The following SLC26A7 variants were observed in gnomAD, a reference collection of about 807,000 sequenced individuals.
SLC26A7 encodes anion exchange transporter.
Under a neutral mutation model 82.5 loss-of-function variants are expected in SLC26A7, and 59 were observed. The observed-to-expected ratio is 0.72, with a 90% CI of 0.58 to 0.89. SLC26A7 has a LOEUF of 0.89. Among genes scored for constraint, SLC26A7 ranks in the 40% least tolerant of loss-of-function variants. The pLI is 0.00. For missense variants in SLC26A7, 820 were observed against 793.0 expected (o/e 1.03, Z -0.41); for synonymous variants, 271 against 274.3 (o/e 0.99, Z 0.12).
intron 2 of SLC26A7, among the ~76,000 whole-genome samples, chr8:91,280,142 T>C (rs983041502): frequency 3.3e-5 from 5 of 152,224 alleles, no homozygotes; most frequent in African/African-American, 7.2e-5. Flanking sequence ...TTGTTGCCTA[T>C]GTTTTTTGGC....
At chr8:91,387,206 TAATA>T in intron 15 of SLC26A7, among the ~76,000 whole-genome samples, 1 of 152,322 alleles carries the variant, frequency 6.6e-6, no homozygotes, top group African/African-American at 2.4e-5. Flanking sequence ...CCTGCAATCT[TAATA>T]CTTTCCTATC....
chr8:91,286,553 G>A (rs1296151642), intron 2 of SLC26A7, among the ~76,000 whole-genome samples: 2 of 152,094 alleles, frequency 1.3e-5, no homozygotes, highest in African/African-American at 4.8e-5. Context: ...TTTTGTTGTT[G>A]TTGCTTTTGC....
intron 4 of SLC26A7, among the ~76,000 whole-genome samples, chr8:91,313,431 C>T (rs537291616): frequency 6.6e-6 from 1 of 152,134 alleles, no homozygotes; most frequent in Admixed American, 6.6e-5. Context: ...CAGCTTTGTT[C>T]TTCTCAAGAC....
intron 4 of SLC26A7, among the ~76,000 whole-genome samples, chr8:91,307,816 T>TAA (rs71273693): frequency 6.6e-5 from 10 of 150,784 alleles, no homozygotes; most frequent in South Asian, 4.2e-4. Context: ...AATAAATAAA[T>TAA]AAAAAAAATA....
At chr8:91,313,687 CT>C (rs1418657382) in intron 4 of SLC26A7, among the ~76,000 whole-genome samples, 1 of 152,164 alleles carries the variant, frequency 6.6e-6, no homozygotes, top group East Asian at 1.9e-4. Context: ...CATTTCACAT[CT>C]CTTTACACGA....
intron 4 of SLC26A7, among the ~76,000 whole-genome samples, chr8:91,312,829 G>A (rs550326908): frequency 5.3e-5 from 8 of 152,124 alleles, no homozygotes; most frequent in East Asian, 1.9e-4. Context: ...TCCTTTGCCC[G>A]TTTTTGAATC....
rs896013172 is a variant in SLC26A7, at chr8:91,395,436, A to G, written c.*339A>G. ...GTAAGTTGATGTTTAAAATTGAGAA[A>G]TACTTTTGTCATAGGTAATTTGGAA... is the stretch of plus-strand genomic sequence containing the variant. On this transcript the variant is annotated 3_prime_UTR_variant, in exon 19 of 19. Coordinates refer to ENST00000276609, the MANE Select transcript of SLC26A7 (RefSeq NM_052832.4). The G allele has an allele frequency of 3.8e-6, 1 of 265,448 alleles. No homozygotes were observed. The highest frequency in any genetic ancestry group is 2.3e-5 in the African/African-American group (1 of 44,184). The allele number at this position is 265,448 out of a possible 1,614,324, so 16.4% of individuals were successfully genotyped here.
rs1332463733 is a variant in SLC26A7 at position 91,332,518 on chromosome 8, ACACACACAC to A, written c.643-1776_643-1768del. On this transcript the variant is annotated intron_variant, in intron 5 of 18. Coordinates refer to ENST00000276609, the MANE Select transcript of SLC26A7 (RefSeq NM_052832.4). ...CACACACACACACACACACACACAC[ACACACACAC>A]ACACACATATTTAAGCTAGAGACAG... Among the ~76,000 whole-genome samples the A allele has an allele frequency of 1.3e-3, 193 of 147,678 alleles. 3 individuals carry two copies. Among genetic ancestry groups the A allele is most frequent in the African/African-American group, 4.7e-3 (190 of 40,162 alleles).
intron 13 of SLC26A7, among the ~76,000 whole-genome samples, chr8:91,365,794 C>A (rs762799750): frequency 4.6e-5 from 7 of 152,126 alleles, no homozygotes; most frequent in Non-Finnish European, 8.8e-5. Flanking sequence ...TTCTTTGCAT[C>A]TCCTCTTCTA....
At chr8:91,264,756 T>G (rs1811064331) in intron 2 of SLC26A7, among the ~76,000 whole-genome samples, 1 of 152,202 alleles carries the variant, frequency 6.6e-6, no homozygotes, top group East Asian at 1.9e-4. Context: ...AAATTTTTTT[T>G]TGTTTATAAT....
chr8:91,295,428 ATC>A (rs1811989076), intron 3 of SLC26A7, 101 bp from the exon 4 acceptor site: 1 of 1,299,316 alleles, frequency 7.7e-7, no homozygotes, highest in East Asian at 2.3e-5. Flanking sequence ...TTTCTAATAG[ATC>A]TGTTTGGTTT....
At chr8:91,327,049 A>G (rs900793864) in intron 5 of SLC26A7, among the ~76,000 whole-genome samples, 1 of 152,164 alleles carries the variant, frequency 6.6e-6, no homozygotes, top group African/African-American at 2.4e-5. Flanking sequence ...TTACATCTGC[A>G]AAGACCTTAT....
At chr8:91,234,819 ACCTACCTACTTCCTTC>A (rs1399444851) in intron 2 of SLC26A7, among the ~76,000 whole-genome samples, 49 of 104,454 alleles carry the variant, frequency 4.7e-4, no homozygotes, top group Non-Finnish European at 7.4e-4. Context: ...CTACCTACCT[ACCTACCTACTTCCTTC>A]CTTCCTTCCT....
At chr8:91,312,652 T>A (rs1446701950) in intron 4 of SLC26A7, among the ~76,000 whole-genome samples, 2 of 151,064 alleles carry the variant, frequency 1.3e-5, no homozygotes, top group Non-Finnish European at 2.9e-5. Flanking sequence ...TGTGTGTGTG[T>A]GTGTGTGTGT....
intron 9 of SLC26A7, among the ~76,000 whole-genome samples, chr8:91,349,173 G>A (rs78711091): frequency 0.029 from 4,464 of 152,232 alleles, 216 homozygotes; most frequent in African/African-American, 0.1. Context: ...TGTCTGATTA[G>A]ATGAACTTAT....
intron 13 of SLC26A7, among the ~76,000 whole-genome samples, chr8:91,365,842 T>A (rs997354660): frequency 6.6e-6 from 1 of 152,224 alleles, no homozygotes; most frequent in Non-Finnish European, 1.5e-5. Flanking sequence ...TTTACTTAGT[T>A]GGTAAGGAGT....
chr8:91,238,145 A>C (rs1184854437), intron 2 of SLC26A7, among the ~76,000 whole-genome samples: 1 of 152,214 alleles, frequency 6.6e-6, no homozygotes, highest in African/African-American at 2.4e-5. Flanking sequence ...ATAACATTAT[A>C]AACAAAAGTA....
intron 6 of SLC26A7, 82 bp from the exon 7 acceptor site, chr8:91,338,068 G>T: frequency 2.4e-6 from 2 of 834,734 alleles, no homozygotes; most frequent in Non-Finnish European, 3.5e-6. Flanking sequence ...TGAGAACAAT[G>T]TTTACTTTTA....
chr8:91,276,083 T>C (rs537925991), intron 2 of SLC26A7, among the ~76,000 whole-genome samples: 1 of 152,298 alleles, frequency 6.6e-6, no homozygotes, highest in South Asian at 2.1e-4. Context: ...ACAATCACAA[T>C]CTGAAAAGTG....
Sources: gnomAD v4.1 joint callset for allele counts (sites outside exome capture counted in the v4.1 genomes callset) on GRCh38, gnomAD v4.1.1 for gene constraint, MANE v1.5 for transcripts, NCBI Gene and HGNC (gene_info 2026-07-23, HGNC 2026-07-21) for gene names.